Variants in SLC35A1 observed in about 807,000 individuals in gnomAD.
SLC35A1 encodes the protein solute carrier family 35 member A1, also known as CMP-sialic acid transporter.
Under a neutral mutation model 40.3 loss-of-function variants are expected in SLC35A1, and 21 were observed. The ratio of observed to expected loss-of-function variants is 0.52; its 90% CI spans 0.37 to 0.75. The LOEUF is 0.75. Among genes scored for constraint, SLC35A1 ranks in the 30% least tolerant of loss-of-function variants. SLC35A1 has a pLI of 0.00. For missense variants in SLC35A1, 297 were observed against 382.1 expected, an observed-to-expected ratio of 0.78 and a Z score of 1.86; for synonymous variants, 146 against 147.3, an observed-to-expected ratio of 0.99 and a Z score of 0.06.
In SLC35A1 at chr6:87,508,421, A is replaced by C. The variant is rs758336851; in HGVS notation, c.576A>C (p.Gly192=). Residue 192 remains glycine (G), a splice_region_variant and synonymous_variant, in exon 6 of 8, where the codon GGA becomes GGC. Coordinates refer to ENST00000369552, the MANE Select transcript of SLC35A1 (RefSeq NM_006416.5). ...TTTGCATGTCTAATTTTCTTTCAGGAGTATATTTTGAAAAAGTTTTAAAGA... is the reference window on the plus strand; with the variant it reads ...TTTGCATGTCTAATTTTCTTTCAGGCGTATATTTTGAAAAAGTTTTAAAGA... ...AIAVLCSGFA[G]VYFEKVLKSS... is the part of the protein sequence containing the mutation. 6.3e-7 allele frequency: 1 copy of C among 1,587,718 alleles called. No individual in the cohort carries two copies. The highest frequency in any genetic ancestry group is 1.7e-5 in the Admixed American group (1 of 59,710).
intron 2 of SLC35A1, among the ~76,000 whole-genome samples, chr6:87,490,144 G>A (rs958272157): frequency 3.3e-5 from 5 of 151,712 alleles, no homozygotes; most frequent in Non-Finnish European, 5.9e-5. Flanking sequence ...CAGGAGGATC[G>A]CTTGAACCTG....
intron 2 of SLC35A1, among the ~76,000 whole-genome samples, chr6:87,487,508 A>T (rs1769422649): frequency 6.6e-6 from 1 of 152,174 alleles, no homozygotes; most frequent in South Asian, 2.1e-4. Context: ...TTCAATCTAA[A>T]GACACTTTAT....
At chr6:87,500,367 TA>T in intron 2 of SLC35A1, 140 bp from the exon 3 acceptor site, 1 of 811,676 alleles carries the variant, frequency 1.2e-6, no homozygotes, top group Non-Finnish European at 2.0e-6. Context: ...TCTTTTAATC[TA>T]AAACTAGTTA....
At chr6:87,477,706 G>C (rs1199906313) in intron 2 of SLC35A1, among the ~76,000 whole-genome samples, 167 bp downstream of exon 2, 1 of 152,204 alleles carries the variant, frequency 6.6e-6, no homozygotes, top group East Asian at 1.9e-4. Flanking sequence ...CAACTTGAGA[G>C]ATGCTACTGG....
chr6:87,477,619 T>A, intron 2 of SLC35A1, 80 bp downstream of exon 2: 1 of 1,196,374 alleles, frequency 8.4e-7, no homozygotes, highest in Non-Finnish European at 1.2e-6. Flanking sequence ...AGCTACATCT[T>A]TATATGTTTA....
rs1029761192 is a variant in SLC35A1, at chr6:87,509,272, G to A, written c.886+97G>A. 2.7e-6 allele frequency: 4 copies of A among 1,464,210 alleles called. No individual in the cohort carries two copies. In the African/African-American group the frequency reaches 5.6e-5, roughly 20 times the overall value. 90.7% of individuals were successfully genotyped at this position (1,464,210 alleles called of 1,614,324 possible). On this transcript the variant is annotated intron_variant, in intron 7 of 7. Transcript: ENST00000369552. ...TTTAAAAGTGGCAGTTGGTCATACT[G>A]TTTACAGAAATTCCTAGCTTTGTTA...
At chr6:87,484,525 T>G (rs911386183) in intron 2 of SLC35A1, among the ~76,000 whole-genome samples, 2 of 152,168 alleles carry the variant, frequency 1.3e-5, no homozygotes, top group African/African-American at 4.8e-5. Flanking sequence ...TGGCTAGGGT[T>G]AGACCGCACA....
At position 87,511,489 on chromosome 6, in the gene SLC35A1, G is replaced by A; in HGVS notation, c.977G>A (p.Gly326Glu). ...PRQDTTSIQQ[G>E]ETASKERVIG... is the part of the protein sequence containing the mutation. ...CAAGACACTACATCCATCCAACAAG[G>A]AGAAACAGCTTCAAAGGAGAGAGTT... The change falls in exon 8 of 8, where the codon GGA becomes GAA. Residue 326 changes from glycine (G) to glutamate (E), a missense_variant. Coordinates refer to ENST00000369552, the MANE Select transcript of SLC35A1 (RefSeq NM_006416.5). 6.2e-7 allele frequency: 1 copy of A among 1,613,922 alleles called. No individual in the cohort carries two copies. The highest frequency in any genetic ancestry group is 8.5e-7 in the Non-Finnish European group (1 of 1,179,962).
At chr6:87,490,982 G>T (rs1769534302) in intron 2 of SLC35A1, among the ~76,000 whole-genome samples, 1 of 152,222 alleles carries the variant, frequency 6.6e-6, no homozygotes. Flanking sequence ...ATGGCAGGCT[G>T]CCAGAGGGTG....
intron 2 of SLC35A1, among the ~76,000 whole-genome samples, chr6:87,498,939 G>T (rs771806202): frequency 1.2e-4 from 19 of 152,278 alleles, no homozygotes; most frequent in Middle Eastern, 6.8e-3. Context: ...GGTATTTTTG[G>T]TATTCTTCTG....
chr6:87,502,033 GCAAA>G (rs1274348604), intron 4 of SLC35A1, among the ~76,000 whole-genome samples: 1 of 152,078 alleles, frequency 6.6e-6, no homozygotes, highest in Non-Finnish European at 1.5e-5. Flanking sequence ...CTAACTTTTA[GCAAA>G]CAGACTATGG....
intron 2 of SLC35A1, chr6:87,488,242 T>G (rs1023479998): frequency 2.0e-5 from 3 of 152,236 alleles, no homozygotes; most frequent in Non-Finnish European, 4.4e-5. Context: ...TTTAATCTCA[T>G]GGAATTGGAA....
Position 87,511,842 on chromosome 6 carries a change from CAAGT to C in SLC35A1, c.*319_*322del, listed in dbSNP as rs1488075298. 2.8e-6 allele frequency: 1 copy of C among 362,056 alleles called. No individual in the cohort carries two copies. Among genetic ancestry groups the C allele is most frequent in the African/African-American group, 2.1e-5 (1 of 47,492 alleles). 22.4% of individuals were successfully genotyped at this position (362,056 alleles called of 1,614,324 possible). ...AAAATCATGGTAAGGCTACAATACT[CAAGT>C]AACAAGGTTTGGGACAATGTCTAAG... On this transcript the variant is annotated 3_prime_UTR_variant, in exon 8 of 8. Coordinates refer to ENST00000369552, the MANE Select transcript of SLC35A1 (RefSeq NM_006416.5).
At chr6:87,507,955 A>C (rs915984850) in intron 5 of SLC35A1, among the ~76,000 whole-genome samples, 2 of 152,198 alleles carry the variant, frequency 1.3e-5, no homozygotes, top group Admixed American at 6.5e-5. Flanking sequence ...TTTGGTTGTT[A>C]CTCTGAAAAG....
chr6:87,496,159 C>T (rs1769718725), intron 2 of SLC35A1: 1 of 152,016 alleles, frequency 6.6e-6, no homozygotes, highest in Non-Finnish European at 1.5e-5. Context: ...CTACTTTTGA[C>T]CAAACAGAGG....
intron 2 of SLC35A1, among the ~76,000 whole-genome samples, chr6:87,487,467 A>G (rs149199141): frequency 1.3e-5 from 2 of 152,242 alleles, no homozygotes; most frequent in South Asian, 2.1e-4. Context: ...TTTGTCAATT[A>G]ATCAATACAA....
intron 4 of SLC35A1, among the ~76,000 whole-genome samples, chr6:87,505,922 T>C (rs1770067074): frequency 6.6e-6 from 1 of 152,230 alleles, no homozygotes; most frequent in Admixed American, 6.5e-5. Context: ...ACAGAAGGTA[T>C]ACTAAAAATT....
intron 2 of SLC35A1, among the ~76,000 whole-genome samples, chr6:87,483,474 C>T (rs1010004100): frequency 7.3e-6 from 1 of 137,816 alleles, no homozygotes; most frequent in Admixed American, 7.6e-5. Flanking sequence ...TCAATGTACC[C>T]CTATTGGGAT....
chr6:87,474,450 T>C (rs1769012544), intron 1 of SLC35A1, among the ~76,000 whole-genome samples: 1 of 152,208 alleles, frequency 6.6e-6, no homozygotes, highest in South Asian at 2.1e-4. Flanking sequence ...TAATAGAATT[T>C]CGTGAGAAGC....
Sources: gnomAD v4.1 joint callset for allele counts (sites outside exome capture counted in the v4.1 genomes callset) on GRCh38, gnomAD v4.1.1 for gene constraint, MANE v1.5 for transcripts, NCBI Gene and HGNC (gene_info 2026-07-23, HGNC 2026-07-21) for gene names.